Variants in GSG1L observed in about 807,000 individuals in gnomAD.
GSG1L encodes the protein GSG1 like, also known as germ cell-specific gene 1-like protein.
A neutral mutation model predicts 42.1 loss-of-function variants in GSG1L; 24 were observed. That is an observed-to-expected ratio of 0.57 (90% CI 0.41 to 0.80). GSG1L has a LOEUF of 0.80. Among genes scored for constraint, GSG1L ranks in the 30% least tolerant of loss-of-function variants. The probability of loss-of-function intolerance (pLI) is 0.00; values close to 1 mark genes in which losing one functional copy is unlikely to be tolerated. For missense variants in GSG1L, 445 were observed against 472.2 expected, an observed-to-expected ratio of 0.94 and a Z score of 0.53; for synonymous variants, 215 against 203.5, an observed-to-expected ratio of 1.06 and a Z score of -0.48.
chr16:27,947,392 GAAAGAAAGAAAGAA>G (rs2084887426), intron 2 of GSG1L, among the ~76,000 whole-genome samples: 39 of 86,890 alleles, frequency 4.5e-4, no homozygotes, highest in African/African-American at 1.8e-3. Flanking sequence ...GAAAAAGAAA[GAAAGAAAGAAAGAA>G]AGAAAGAAAG....
chr16:27,800,691 G>A (rs1277539501), intron 6 of GSG1L, among the ~76,000 whole-genome samples: 1 of 152,202 alleles, frequency 6.6e-6, no homozygotes, highest in African/African-American at 2.4e-5. Flanking sequence ...GGACAGTTAG[G>A]ATAACCAGAA....
At chr16:27,799,776 C>A (rs975746713) in intron 6 of GSG1L, among the ~76,000 whole-genome samples, 1 of 151,914 alleles carries the variant, frequency 6.6e-6, no homozygotes, top group Non-Finnish European at 1.5e-5. Context: ...TTTATGTCTT[C>A]GGAGGATGGA....
intron 2 of GSG1L, among the ~76,000 whole-genome samples, chr16:27,921,152 T>C (rs1006087880): frequency 2.0e-5 from 3 of 152,206 alleles, no homozygotes; most frequent in Admixed American, 1.3e-4. Flanking sequence ...TCAGCTAATA[T>C]GCACCTGCAC....
chr16:27,874,089 C>G (rs1328647477), intron 3 of GSG1L, among the ~76,000 whole-genome samples: 1 of 152,138 alleles, frequency 6.6e-6, no homozygotes, highest in Non-Finnish European at 1.5e-5. Flanking sequence ...ACCCAGGACC[C>G]TTGTTGTATA....
chr16:27,971,538 T>C (rs2085193197), intron 1 of GSG1L, among the ~76,000 whole-genome samples: 1 of 152,202 alleles, frequency 6.6e-6, no homozygotes, highest in Non-Finnish European at 1.5e-5. Flanking sequence ...GTTCTAACAG[T>C]TTTAGTGGAT....
chr16:27,994,592 C>A (rs900488768), intron 1 of GSG1L, among the ~76,000 whole-genome samples: 1 of 152,098 alleles, frequency 6.6e-6, no homozygotes, highest in African/African-American at 2.4e-5. Context: ...ATACATATTT[C>A]TTCTATTTTG....
chr16:28,012,662 G>A (rs1299178487), intron 1 of GSG1L, among the ~76,000 whole-genome samples: 1 of 151,886 alleles, frequency 6.6e-6, no homozygotes, highest in Non-Finnish European at 1.5e-5. Flanking sequence ...AAGATAGAAG[G>A]ATCACTCAAG....
Position 28,059,086 on chromosome 16 carries a change from G to A in GSG1L, c.349+3990C>T, listed in dbSNP as rs954249843. 2.0e-5 allele frequency among the ~76,000 whole-genome samples: 3 copies of A among 152,162 alleles called. No homozygotes were observed. Among genetic ancestry groups the A allele is most frequent in the Non-Finnish European group, 2.9e-5 (2 of 68,004 alleles). On this transcript the variant is annotated intron_variant, in intron 1 of 6. Transcript: ENST00000447459. This position sits in a 1 kb window ranked among gnomAD's most constrained non-coding sequence, Gnocchi z 4.4. ...CCAGGGTGGCGGCAACACCGAGGTG[G>A]TGCTCCCCACTCCCTGCCCTACGTC...
chr16:27,823,181 G>C (rs1189111035), intron 5 of GSG1L, among the ~76,000 whole-genome samples: 3 of 152,130 alleles, frequency 2.0e-5, no homozygotes, highest in Admixed American at 2.0e-4. Context: ...AGGAGGGGAC[G>C]ACAGGCAGGG....
chr16:27,827,878 CCA>C (rs2083229593), intron 5 of GSG1L, among the ~76,000 whole-genome samples: 1 of 144,702 alleles, frequency 6.9e-6, no homozygotes, highest in African/African-American at 2.5e-5. Context: ...ATCCATCCAT[CCA>C]TCCATCCATC....
intron 1 of GSG1L, among the ~76,000 whole-genome samples, chr16:28,015,339 CA>C (rs1401577008): frequency 6.6e-6 from 1 of 152,152 alleles, no homozygotes; most frequent in Admixed American, 6.5e-5. Context: ...CCCCTGTCTA[CA>C]AAAAAATTTT....
chr16:27,823,836 G>A (rs1169626956), intron 5 of GSG1L: 8 of 702,706 alleles, frequency 1.1e-5, no homozygotes, highest in Non-Finnish European at 1.8e-5. Context: ...TGTGGCCTGG[G>A]CTTAAATCCC....
intron 2 of GSG1L, among the ~76,000 whole-genome samples, chr16:27,960,165 C>T (rs77950355): frequency 0.012 from 1,760 of 152,208 alleles, 36 homozygotes; most frequent in African/African-American, 0.04. Context: ...AAGCACTCAC[C>T]GGACCTCAGC....
At chr16:27,971,625 C>T (rs2085194139) in intron 1 of GSG1L, among the ~76,000 whole-genome samples, 1 of 152,136 alleles carries the variant, frequency 6.6e-6, no homozygotes, top group Non-Finnish European at 1.5e-5. Flanking sequence ...CAATCTTGAT[C>T]TCTTTTATTT....
intron 2 of GSG1L, among the ~76,000 whole-genome samples, chr16:27,933,387 C>T (rs1596623584): frequency 1.3e-5 from 2 of 152,066 alleles, no homozygotes; most frequent in East Asian, 3.9e-4. Context: ...TTGCTCACAC[C>T]TGGAATCCCA....
intron 1 of GSG1L, among the ~76,000 whole-genome samples, chr16:28,039,095 T>G (rs1485566174): frequency 2.0e-5 from 3 of 152,176 alleles, no homozygotes; most frequent in African/African-American, 4.8e-5. Flanking sequence ...ATAAGTGGGT[T>G]TCATCTAAAT....
rs1313405743 is a variant in GSG1L at position 27,876,746 on chromosome 16, C to T, written c.550+7740G>A. Reference sequence around the variant, plus strand: ...CCTGTCCAAAACACACTGGTGGCACCCACCCCGCAGGCCATAGGGGAGTGT... The same window carrying T: ...CCTGTCCAAAACACACTGGTGGCACTCACCCCGCAGGCCATAGGGGAGTGT... On this transcript the variant is annotated intron_variant, in intron 3 of 6. Coordinates refer to ENST00000447459, the MANE Select transcript of GSG1L (RefSeq NM_001109763.2). Among the ~76,000 whole-genome samples, 4 of 152,172 alleles carry T rather than the reference C, an allele frequency of 2.6e-5. No individual in the cohort carries two copies. The East Asian group carries it at 7.7e-4, about 29-fold the overall frequency.
At chr16:27,832,999 T>C (rs2083288439) in intron 4 of GSG1L, among the ~76,000 whole-genome samples, 1 of 152,222 alleles carries the variant, frequency 6.6e-6, no homozygotes, top group Non-Finnish European at 1.5e-5. Flanking sequence ...TTTCCTTTTA[T>C]GTGTTTGATA....
At chr16:27,806,485 G>A (rs189473838) in intron 6 of GSG1L, among the ~76,000 whole-genome samples, 2 of 152,342 alleles carry the variant, frequency 1.3e-5, no homozygotes, top group Admixed American at 1.3e-4. Flanking sequence ...CAGGGAAATT[G>A]GGCAGAGAGG....
Sources: gnomAD v4.1 joint callset for allele counts (sites outside exome capture counted in the v4.1 genomes callset) on GRCh38, gnomAD v4.1.1 for gene constraint, Gnocchi (gnomAD v3.1) non-coding constraint, MANE v1.5 for transcripts, NCBI Gene and HGNC (gene_info 2026-07-23, HGNC 2026-07-21) for gene names.